COL23A1: variants seen among roughly 807,000 people sequenced by gnomAD.
COL23A1 encodes the protein collagen alpha-1(XXIII) chain.
In COL23A1, 97 loss-of-function variants were observed where a neutral mutation model predicts 99.3. The ratio of observed to expected loss-of-function variants is 0.98; its 90% CI spans 0.83 to 1.16. The LOEUF (loss-of-function observed/expected upper bound fraction) is 1.16, where lower values mean the gene tolerates loss of function less well. Among genes scored for constraint, COL23A1 ranks in the 50% most tolerant of loss-of-function variants. The pLI, the probability that COL23A1 is intolerant of heterozygous loss-of-function variation, is 0.00. For missense variants in COL23A1, 762 were observed against 757.4 expected (o/e 1.01, Z -0.07); for synonymous variants, 320 against 308.2 (o/e 1.04, Z -0.40).
At chr5:178,241,580 A>C (rs890028881) in intron 27 of COL23A1, among the ~76,000 whole-genome samples, 4 of 152,138 alleles carry the variant, frequency 2.6e-5, no homozygotes, top group African/African-American at 9.7e-5. Context: ...CTGGGCACTC[A>C]CTGCCTCCGC....
At chr5:178,374,384 C>T (rs1306501235) in intron 2 of COL23A1, among the ~76,000 whole-genome samples, 1 of 152,214 alleles carries the variant, frequency 6.6e-6, no homozygotes, top group African/African-American at 2.4e-5. Flanking sequence ...GTCACCACTG[C>T]CTGCCTATCT....
At chr5:178,540,709 C>A (rs1159413767) in intron 2 of COL23A1, among the ~76,000 whole-genome samples, 1 of 151,940 alleles carries the variant, frequency 6.6e-6, no homozygotes, top group Non-Finnish European at 1.5e-5. Flanking sequence ...ATGGCTTGAG[C>A]CTAGGAGTTT....
chr5:178,330,745 G>A (rs1221157406), intron 2 of COL23A1, among the ~76,000 whole-genome samples: 1 of 151,916 alleles, frequency 6.6e-6, no homozygotes, highest in African/African-American at 2.4e-5. Context: ...TCTCATTTCA[G>A]GTCCCTCTAC....
intron 12 of COL23A1, among the ~76,000 whole-genome samples, chr5:178,258,661 C>T (rs956659525): frequency 6.6e-6 from 1 of 151,954 alleles, no homozygotes; most frequent in Non-Finnish European, 1.5e-5. Flanking sequence ...TCCCAGAGTG[C>T]TGGGATTACA....
chr5:178,478,799 C>G (rs552835519), intron 2 of COL23A1, among the ~76,000 whole-genome samples: 1 of 152,096 alleles, frequency 6.6e-6, no homozygotes, highest in Non-Finnish European at 1.5e-5. Flanking sequence ...GGTACCAGAG[C>G]CTTCTGGGTG....
At chr5:178,568,520 T>C (rs1173402124) in intron 1 of COL23A1, among the ~76,000 whole-genome samples, 1 of 143,394 alleles carries the variant, frequency 7.0e-6, no homozygotes, top group Non-Finnish European at 1.5e-5. Flanking sequence ...AGTACATTCA[T>C]AATGTTATAC....
intron 27 of COL23A1, among the ~76,000 whole-genome samples, chr5:178,241,205 A>G (rs1764376499): frequency 6.6e-6 from 1 of 152,088 alleles, no homozygotes; most frequent in African/African-American, 2.4e-5. Context: ...TGGGCGACAG[A>G]GTGAGACTCT....
At chr5:178,363,319 T>G (rs1334957470) in intron 2 of COL23A1, among the ~76,000 whole-genome samples, 1 of 152,054 alleles carries the variant, frequency 6.6e-6, no homozygotes, top group Non-Finnish European at 1.5e-5. Context: ...ACATTTTGCA[T>G]CTCCAAGTTG....
chr5:178,406,768 T>C (rs569381258), intron 2 of COL23A1, among the ~76,000 whole-genome samples: 4 of 152,296 alleles, frequency 2.6e-5, no homozygotes, highest in African/African-American at 9.6e-5. Flanking sequence ...AATATTGGGA[T>C]TCACGTGGAG....
At chr5:178,337,888 A>G (rs1056445847) in intron 2 of COL23A1, among the ~76,000 whole-genome samples, 9 of 152,222 alleles carry the variant, frequency 5.9e-5, no homozygotes, top group East Asian at 1.9e-4. Context: ...ATTTGTTTAT[A>G]TATTTTTTCA....
intron 2 of COL23A1, among the ~76,000 whole-genome samples, chr5:178,311,455 G>A (rs577987797): frequency 8.5e-5 from 13 of 152,172 alleles, no homozygotes; most frequent in African/African-American, 9.6e-5. Context: ...ATCACAATGC[G>A]GGGCTTTAAT....
At chr5:178,538,140 G>A (rs479313) in intron 2 of COL23A1, among the ~76,000 whole-genome samples, 15,083 of 152,170 alleles carry the variant, frequency 0.099, 1,826 homozygotes, top group East Asian at 0.48. Context: ...CCTGAGCACA[G>A]AGGAGCTGAA....
chr5:178,262,295 C>T (rs1765676275), intron 9 of COL23A1, 43 bp from the exon 10 acceptor site: 2 of 1,559,718 alleles, frequency 1.3e-6, no homozygotes, highest in African/African-American at 1.3e-5. Context: ...TGCAGGATGT[C>T]ACATTGAACT....
chr5:178,270,201 C>A (rs1756205953), intron 6 of COL23A1, 136 bp downstream of exon 6: 2 of 1,002,644 alleles, frequency 2.0e-6, no homozygotes, highest in Non-Finnish European at 3.0e-6. Context: ...GAACTCAAGT[C>A]TGACACCCAA....
At chr5:178,350,810 G>C (rs977497407) in intron 2 of COL23A1, 2 of 152,450 alleles carry the variant, frequency 1.3e-5, no homozygotes, top group Non-Finnish European at 1.5e-5. Flanking sequence ...TTTCTTGTCC[G>C]AGGGCCTTTC....
At chr5:178,326,743 G>A (rs9885009) in intron 2 of COL23A1, among the ~76,000 whole-genome samples, 2,207 of 152,102 alleles carry the variant, frequency 0.015, 54 homozygotes, top group African/African-American at 0.05. Context: ...TTTTTGAGAC[G>A]GAGTCTCGCT....
intron 2 of COL23A1, among the ~76,000 whole-genome samples, chr5:178,464,154 G>A (rs2127910336): frequency 6.6e-6 from 1 of 152,282 alleles, no homozygotes; most frequent in South Asian, 2.1e-4. Context: ...TCACCACGTC[G>A]ACTGCCAGAG....
intron 2 of COL23A1, among the ~76,000 whole-genome samples, chr5:178,424,554 G>A (rs1765804037): frequency 6.6e-6 from 1 of 152,344 alleles, no homozygotes; most frequent in South Asian, 2.1e-4. Flanking sequence ...GGGAGGCAGT[G>A]CTAGGGCCAG....
intron 2 of COL23A1, among the ~76,000 whole-genome samples, chr5:178,354,140 C>CTT (rs146043731): frequency 6.7e-6 from 1 of 148,418 alleles, no homozygotes; most frequent in Non-Finnish European, 1.5e-5. Flanking sequence ...CCATTTGAAT[C>CTT]TTTTTTTTTT....
Sources: allele counts gnomAD v4.1 joint callset (sites outside exome capture counted in the v4.1 genomes callset), GRCh38; gene constraint gnomAD v4.1.1; transcripts MANE v1.5; gene names NCBI Gene and HGNC (gene_info 2026-07-23, HGNC 2026-07-21).